Variants in NRXN1 observed in about 807,000 individuals in gnomAD.
The protein encoded by NRXN1 is neurexin 1, also known as neurexin-1.
NRXN1 carries 39 observed loss-of-function variants against 150.9 expected under a neutral mutation model. The ratio of observed to expected loss-of-function variants is 0.26; its 90% CI spans 0.20 to 0.34. The LOEUF (loss-of-function observed/expected upper bound fraction) is 0.34. NRXN1 is among the 10% of genes least tolerant of loss of function. NRXN1 has a pLI of 1.00. For missense variants in NRXN1, 1,815 were observed against 1,949.9 expected, an observed-to-expected ratio of 0.93 and a Z score of 1.30; for synonymous variants, 924 against 757.0, an observed-to-expected ratio of 1.22 and a Z score of -3.62.
At chr2:49,979,921 T>A (rs1679694850) in intron 21 of NRXN1, among the ~76,000 whole-genome samples, 1 of 149,778 alleles carries the variant, frequency 6.7e-6, no homozygotes, top group Non-Finnish European at 1.5e-5. Flanking sequence ...TTTTTTCTGC[T>A]ACTGTATTCT....
rs140497232 is a variant in NRXN1 at position 50,441,248 on chromosome 2, T to C, written c.3364+24194A>G. Among the ~76,000 whole-genome samples the C allele has an allele frequency of 7.9e-5, 12 of 152,284 alleles. No homozygotes were observed. The East Asian group carries it at 1.9e-3, about 24-fold the overall frequency. On this transcript the variant is annotated intron_variant, in intron 17 of 22. Transcript: ENST00000401669. Reference sequence around the variant, plus strand: ...GCCACTTGTCTTAGGGGTCCCCAAATTATAAATTGGCTATATAATTACCTA... The same window carrying C: ...GCCACTTGTCTTAGGGGTCCCCAAACTATAAATTGGCTATATAATTACCTA...
chr2:49,993,901 T>C (rs1411405099), intron 21 of NRXN1, among the ~76,000 whole-genome samples: 1 of 152,204 alleles, frequency 6.6e-6, no homozygotes, highest in East Asian at 1.9e-4. Flanking sequence ...TGAAGAACTC[T>C]TAGAAGAACT....
At chr2:50,182,711 A>C (rs866338775) in intron 18 of NRXN1, among the ~76,000 whole-genome samples, 1 of 152,104 alleles carries the variant, frequency 6.6e-6, no homozygotes, top group Non-Finnish European at 1.5e-5. Context: ...AATATTATAC[A>C]GGGAGATACA....
chr2:50,085,310 C>T (rs528173193), intron 19 of NRXN1, among the ~76,000 whole-genome samples: 6 of 152,228 alleles, frequency 3.9e-5, no homozygotes, highest in Admixed American at 6.5e-5. Flanking sequence ...CTGATTATTA[C>T]GTCTTTTGTT....
intron 17 of NRXN1, among the ~76,000 whole-genome samples, chr2:50,350,142 A>G (rs182332973): frequency 8.0e-4 from 122 of 152,322 alleles, no homozygotes; most frequent in African/African-American, 2.8e-3. Flanking sequence ...CACTGAATCA[A>G]TCCATTGCCT....
At chr2:51,005,831 G>C (rs1194800880) in intron 2 of NRXN1, among the ~76,000 whole-genome samples, 1 of 151,860 alleles carries the variant, frequency 6.6e-6, no homozygotes, top group Non-Finnish European at 1.5e-5. Context: ...CCCTTGAAAA[G>C]ATACAGACTG....
At chr2:50,942,355 T>C (rs1689591113) in intron 2 of NRXN1, among the ~76,000 whole-genome samples, 1 of 152,136 alleles carries the variant, frequency 6.6e-6, no homozygotes, top group South Asian at 2.1e-4. Context: ...AGGCACTGCC[T>C]AGTGGAGTTG....
chr2:50,491,007 C>A lies in NRXN1; in HGVS notation c.3070+4898G>T, dbSNP rs369152071. ...CAAGAAACTAATAAAGATGGCCTAACCACAGGACAGCAGGACCTTCCCTCC... is the reference window on the plus strand; with the variant it reads ...CAAGAAACTAATAAAGATGGCCTAAACACAGGACAGCAGGACCTTCCCTCC... On this transcript the variant is annotated intron_variant, in intron 15 of 22. Coordinates refer to ENST00000401669, the MANE Select transcript of NRXN1 (RefSeq NM_001330078.2). Among the ~76,000 whole-genome samples the A allele has an allele frequency of 5.9e-5, 9 of 152,226 alleles. No individual in the cohort carries two copies. The East Asian group carries it at 1.7e-3, about 29-fold the overall frequency.
intron 5 of NRXN1, among the ~76,000 whole-genome samples, chr2:50,627,494 T>A (rs565463821): frequency 6.6e-6 from 1 of 151,512 alleles, no homozygotes; most frequent in African/African-American, 2.4e-5. Context: ...CTGGGACTAT[T>A]GGTTATCTAT....
intron 21 of NRXN1, among the ~76,000 whole-genome samples, chr2:50,008,468 A>ATTTT (rs3046626): frequency 0.32 from 43,285 of 135,990 alleles, 7,418 homozygotes; most frequent in South Asian, 0.42. Context: ...GAAGGATGCC[A>ATTTT]TTTTTTTTTT....
chr2:50,510,515 C>T (rs1269928192), intron 12 of NRXN1, among the ~76,000 whole-genome samples: 45 of 113,976 alleles, frequency 3.9e-4, no homozygotes. Flanking sequence ...AAAAAAAAAC[C>T]ACAAAAGAAA....
At chr2:50,085,229 A>C (rs984068616) in intron 19 of NRXN1, among the ~76,000 whole-genome samples, 1 of 152,212 alleles carries the variant, frequency 6.6e-6, no homozygotes, top group Non-Finnish European at 1.5e-5. Flanking sequence ...AAATGCTTTG[A>C]CCTAGAAGTT....
At chr2:50,252,233 CTTT>C (rs55993018) in intron 17 of NRXN1, among the ~76,000 whole-genome samples, 1 of 94,916 alleles carries the variant, frequency 1.1e-5, no homozygotes, top group East Asian at 3.2e-4. Context: ...ACATTTTGTC[CTTT>C]TTTTTTTTTC....
At chr2:50,377,110 G>T (rs1219778365) in intron 17 of NRXN1, among the ~76,000 whole-genome samples, 4 of 151,678 alleles carry the variant, frequency 2.6e-5, no homozygotes, top group African/African-American at 9.7e-5. Context: ...ATTAATTTAA[G>T]ATCCAAGATA....
chr2:50,858,416 T>C (rs1355675358), intron 5 of NRXN1, among the ~76,000 whole-genome samples: 1 of 151,934 alleles, frequency 6.6e-6, no homozygotes, highest in African/African-American at 2.4e-5. Context: ...GATGCTTTTG[T>C]TGGAAAAAAA....
intron 15 of NRXN1, among the ~76,000 whole-genome samples, chr2:50,474,679 A>T (rs959284870): frequency 9.5e-6 from 1 of 104,970 alleles, no homozygotes; most frequent in Non-Finnish European, 1.9e-5. Flanking sequence ...TGGCACAGAA[A>T]TAGCAAAAAA....
chr2:50,105,807 C>T (rs1028654131), intron 18 of NRXN1, among the ~76,000 whole-genome samples: 1 of 151,858 alleles, frequency 6.6e-6, no homozygotes, highest in African/African-American at 2.4e-5. Flanking sequence ...AATTTTGTAG[C>T]CACTTTGGTT....
intron 21 of NRXN1, among the ~76,000 whole-genome samples, chr2:49,975,019 T>A (rs1678701460): frequency 6.6e-6 from 1 of 151,684 alleles, no homozygotes; most frequent in African/African-American, 2.4e-5. Context: ...CCCAAATACA[T>A]CTGTTTCCAG....
At chr2:50,807,933 T>C (rs1050762856) in intron 5 of NRXN1, among the ~76,000 whole-genome samples, 3 of 152,154 alleles carry the variant, frequency 2.0e-5, no homozygotes, top group Non-Finnish European at 4.4e-5. Flanking sequence ...TAGGTCTGTA[T>C]TTTTGCTTTA....
Sources: allele counts gnomAD v4.1 joint callset (sites outside exome capture counted in the v4.1 genomes callset), GRCh38; gene constraint gnomAD v4.1.1; transcripts MANE v1.5; gene names NCBI Gene and HGNC (gene_info 2026-07-23, HGNC 2026-07-21).